The following ANKS1B variants were observed in gnomAD, a reference collection of about 807,000 sequenced individuals.
ANKS1B encodes ankyrin repeat and sterile alpha motif domain-containing protein 1B.
In ANKS1B, 36 loss-of-function variants were observed where a neutral mutation model predicts 148.3. The observed-to-expected ratio is 0.24, with a 90% CI of 0.19 to 0.32. The LOEUF (loss-of-function observed/expected upper bound fraction) is 0.32. Ranked by LOEUF, ANKS1B falls within the 10% of genes least tolerant of loss-of-function variation. The pLI is 1.00. For missense variants in ANKS1B, 1,157 were observed against 1,542.6 expected, an observed-to-expected ratio of 0.75 and a Z score of 4.19; for synonymous variants, 542 against 560.8, an observed-to-expected ratio of 0.97 and a Z score of 0.47.
At chr12:99,901,197 GAC>G (rs1439911345) in intron 1 of ANKS1B, among the ~76,000 whole-genome samples, 1 of 152,082 alleles carries the variant, frequency 6.6e-6, no homozygotes, top group African/African-American at 2.4e-5. Flanking sequence ...ATATAAACTA[GAC>G]ACAGTTTTGG....
At chr12:99,537,719 T>C (rs1369850232) in intron 9 of ANKS1B, among the ~76,000 whole-genome samples, 1 of 152,140 alleles carries the variant, frequency 6.6e-6, no homozygotes, top group Non-Finnish European at 1.5e-5. Context: ...TCCTTTCACT[T>C]TATTGATTGT....
chr12:99,451,494 A>G (rs1224569929), intron 10 of ANKS1B, among the ~76,000 whole-genome samples: 1 of 152,216 alleles, frequency 6.6e-6, no homozygotes, highest in Non-Finnish European at 1.5e-5. Context: ...AGTAAAATTC[A>G]GGCATGAAGA....
At chr12:99,945,931 C>T (rs1204293254) in intron 1 of ANKS1B, among the ~76,000 whole-genome samples, 1 of 152,100 alleles carries the variant, frequency 6.6e-6, no homozygotes, top group African/African-American at 2.4e-5. Flanking sequence ...GTGTTTGGCT[C>T]CCCGAACCTG....
intron 9 of ANKS1B, among the ~76,000 whole-genome samples, chr12:99,611,609 T>C (rs959260952): frequency 6.6e-6 from 1 of 152,212 alleles, no homozygotes. Flanking sequence ...CCCCTGAGAC[T>C]AGGTTTAAGA....
At chr12:99,502,856 C>T (rs930931334) in intron 10 of ANKS1B, among the ~76,000 whole-genome samples, 2 of 152,176 alleles carry the variant, frequency 1.3e-5, no homozygotes, top group African/African-American at 2.4e-5. Context: ...AACACCCTAG[C>T]CTCAGTACTG....
intron 15 of ANKS1B, among the ~76,000 whole-genome samples, chr12:99,098,176 T>C (rs1330891316): frequency 6.6e-6 from 1 of 152,176 alleles, no homozygotes; most frequent in Non-Finnish European, 1.5e-5. Context: ...TAAAGATTAC[T>C]AGGAACTTGG....
At chr12:99,562,189 C>A (rs1247580519) in intron 9 of ANKS1B, among the ~76,000 whole-genome samples, 2 of 152,256 alleles carry the variant, frequency 1.3e-5, no homozygotes, top group East Asian at 3.9e-4. Context: ...GTAAACTATG[C>A]CATAAACTGA....
chr12:99,201,486 A>G (rs2153897719), intron 14 of ANKS1B, among the ~76,000 whole-genome samples: 1 of 152,322 alleles, frequency 6.6e-6, no homozygotes, highest in Middle Eastern at 3.4e-3. Context: ...AGTTTTTTAA[A>G]GAAAGCTTCT....
rs139970820 is a variant in ANKS1B, at chr12:99,157,621, A to G, written c.2420-3226T>C. On this transcript the variant is annotated intron_variant, in intron 14 of 26. Transcript: ENST00000683438. ...GAAAAAATGTGTGTGTGCACAAAAC[A>G]TAGAGAGTGGACTAATAGACACTGG... 3.3e-5 allele frequency among the ~76,000 whole-genome samples: 5 copies of G among 152,220 alleles called. No homozygotes were observed. The East Asian group carries it at 9.7e-4, about 29-fold the overall frequency.
chr12:99,246,827 T>C lies in ANKS1B; in HGVS notation c.1794A>G (p.Lys598=), dbSNP rs781556522. 1.7e-5 allele frequency: 28 copies of C among 1,605,320 alleles called. 1 individual carries two copies. The South Asian group carries it at 2.6e-4, about 15-fold the overall frequency. Reference sequence around the variant, plus strand: ...CTGCAAATTGCCCAGGATCATATTCTTTTGGGGGATCATTGTCATCCTGTC... The same window carrying C: ...CTGCAAATTGCCCAGGATCATATTCCTTTGGGGGATCATTGTCATCCTGTC... The part of the protein sequence containing the change: ...LSRQDDNDPP[K]EYDPGQFAGL... Residue 598 remains lysine, a synonymous_variant, in exon 13 of 27, where the codon AAA becomes AAG. Coordinates refer to ENST00000683438, the MANE Select transcript of ANKS1B (RefSeq NM_001352186.2).
chr12:98,772,202 T>C (rs1401989884), intron 25 of ANKS1B, among the ~76,000 whole-genome samples: 1 of 152,204 alleles, frequency 6.6e-6, no homozygotes, highest in Non-Finnish European at 1.5e-5. Context: ...AGGCTTAACA[T>C]GCAGTACCTT....
At chr12:99,108,761 A>G (rs2059721470) in intron 15 of ANKS1B, among the ~76,000 whole-genome samples, 1 of 152,180 alleles carries the variant, frequency 6.6e-6, no homozygotes, top group South Asian at 2.1e-4. Context: ...ATAATTGTAA[A>G]GGTGTTTGAC....
chr12:98,979,982 G>A (rs2099906791), intron 17 of ANKS1B, among the ~76,000 whole-genome samples: 1 of 151,864 alleles, frequency 6.6e-6, no homozygotes, highest in African/African-American at 2.4e-5. Context: ...CTTCATTTTG[G>A]ATGATTCTCT....
intron 22 of ANKS1B, among the ~76,000 whole-genome samples, chr12:98,792,049 T>C (rs887797978): frequency 2.0e-5 from 3 of 152,222 alleles, no homozygotes; most frequent in Non-Finnish European, 4.4e-5. Flanking sequence ...ATTTGTATAT[T>C]TGAAAATTCA....
At chr12:99,165,426 G>C (rs2077099404) in intron 14 of ANKS1B, among the ~76,000 whole-genome samples, 2 of 151,758 alleles carry the variant, frequency 1.3e-5, no homozygotes, top group African/African-American at 4.8e-5. Context: ...TCAATACCGG[G>C]AATGAGAGAA....
At chr12:98,783,998 C>T (rs921977016) in intron 22 of ANKS1B, among the ~76,000 whole-genome samples, 2 of 152,046 alleles carry the variant, frequency 1.3e-5, no homozygotes, top group East Asian at 1.9e-4. Flanking sequence ...ACCACAATGT[C>T]GATGAGGAAG....
intron 12 of ANKS1B, among the ~76,000 whole-genome samples, chr12:99,276,658 G>A (rs1262828508): frequency 6.6e-6 from 1 of 152,160 alleles, no homozygotes; most frequent in Admixed American, 6.6e-5. Flanking sequence ...CCCAGTCTGT[G>A]ATATTTTGTT....
intron 17 of ANKS1B, among the ~76,000 whole-genome samples, chr12:98,845,477 G>T (rs3847881): frequency 1.3e-5 from 2 of 152,204 alleles, no homozygotes; most frequent in East Asian, 3.9e-4. Flanking sequence ...AAGGCTGGGT[G>T]CTTATATGAA....
rs1040952303 is a variant in ANKS1B, at chr12:99,844,434, G to A, written c.135-19045C>T. Among the ~76,000 whole-genome samples, 4 of 151,914 alleles carry A rather than the reference G, an allele frequency of 2.6e-5. No individual in the cohort carries two copies. The South Asian group carries it at 8.3e-4, about 32-fold the overall frequency. On this transcript the variant is annotated intron_variant, in intron 1 of 26. Coordinates refer to ENST00000683438, the MANE Select transcript of ANKS1B (RefSeq NM_001352186.2). ...TTTTTGTATAAAGTATAAGGAAGGG[G>A]TCCAGTTTCAATTTTCTGCATATAG...
Sources: allele counts gnomAD v4.1 joint callset (sites outside exome capture counted in the v4.1 genomes callset), GRCh38; gene constraint gnomAD v4.1.1; transcripts MANE v1.5; gene names NCBI Gene and HGNC (gene_info 2026-07-23, HGNC 2026-07-21).